Variants in FBN2 observed in about 807,000 individuals in gnomAD.
The protein encoded by FBN2 is fibrillin-2.
FBN2 carries 105 observed loss-of-function variants against 355.6 expected under a neutral mutation model. The observed-to-expected ratio is 0.30, with a 90% CI of 0.25 to 0.35. The LOEUF is 0.35. Ranked by LOEUF, FBN2 falls within the 10% of genes least tolerant of loss-of-function variation. The pLI is 1.00. For synonymous variants in FBN2, 1,350 were observed against 1,301.2 expected, an observed-to-expected ratio of 1.04 and a Z score of -0.81; for missense variants, 3,280 against 3,758.7, an observed-to-expected ratio of 0.87 and a Z score of 3.33.
chr5:128,361,739 C>T lies in FBN2; in HGVS notation c.2538G>A (p.Glu846=). Residue 846 remains glutamate, a synonymous_variant, in exon 19 of 65, where the codon GAG becomes GAA. Coordinates refer to ENST00000262464, the MANE Select transcript of FBN2 (RefSeq NM_001999.4). ...AGCTCTTACCTTCACAGGTCTCTGTCTCAGTCCTGAACACATACCCTGGTG... is the reference window on the plus strand; with the variant it reads ...AGCTCTTACCTTCACAGGTCTCTGTTTCAGTCCTGAACACATACCCTGGTG... The part of the protein sequence containing the change: ...TCPPGYVFRT[E]TETCEDINEC... 1 of 1,614,184 alleles carries T rather than the reference C, an allele frequency of 6.2e-7. No individual in the cohort carries two copies. The highest frequency in any genetic ancestry group is 8.5e-7 in the Non-Finnish European group (1 of 1,180,010).
Position 128,395,222 on chromosome 5 carries a change from T to C in FBN2, c.1131A>G (p.Gln377=). The change falls in exon 9 of 65, where the codon CAA becomes CAG. Residue 377 remains glutamine (Q), a synonymous_variant. Coordinates refer to ENST00000262464, the MANE Select transcript of FBN2 (RefSeq NM_001999.4). The part of the protein sequence containing the change: ...FSGLVNGRCA[Q]ELPGRMTKMQ... ...TTTTCGTCATTCTCCCCGGGAGCTC[T>C]TGTGCACAGCGGCCATTCACCAGGC... is the stretch of plus-strand genomic sequence containing the variant. 6.2e-7 allele frequency: 1 copy of C among 1,614,102 alleles called. No individual in the cohort carries two copies. Among genetic ancestry groups the C allele is most frequent in the Non-Finnish European group, 8.5e-7 (1 of 1,179,978 alleles).
In FBN2 at chr5:128,482,797, A is replaced by AT. The variant is rs574166314; in HGVS notation, c.629-17877dup. Among the ~76,000 whole-genome samples, 709 of 152,200 alleles carry AT rather than the reference A, an allele frequency of 4.7e-3. 3 individuals carry two copies. The highest frequency in any genetic ancestry group is 7.2e-3 in the Non-Finnish European group (490 of 68,016). ...GGTATAACTACTTATTCTAGTAAAGATTTTTTTATCATCATTATAATGTGA... is the reference window on the plus strand; with the variant it reads ...GGTATAACTACTTATTCTAGTAAAGATTTTTTTTATCATCATTATAATGTGA... On this transcript the variant is annotated intron_variant, in intron 5 of 64. Transcript: ENST00000262464.
intron 8 of FBN2, among the ~76,000 whole-genome samples, chr5:128,403,256 T>A (rs1752845585): frequency 6.6e-6 from 1 of 152,238 alleles, no homozygotes; most frequent in South Asian, 2.1e-4. Context: ...TGGTATTATA[T>A]TTTTTCACAT....
At chr5:128,512,584 A>G (rs1756160437) in intron 5 of FBN2, among the ~76,000 whole-genome samples, 1 of 149,928 alleles carries the variant, frequency 6.7e-6, no homozygotes, top group South Asian at 2.1e-4. Flanking sequence ...TCATTTATTG[A>G]GCAGTTAACT....
intron 33 of FBN2, among the ~76,000 whole-genome samples, chr5:128,329,255 G>C (rs1750630553): frequency 6.6e-6 from 1 of 152,034 alleles, no homozygotes; most frequent in Non-Finnish European, 1.5e-5. Context: ...GTGTTTTAAA[G>C]CAAATTAAAG....
chr5:128,270,415 G>A (rs1581177414), intron 62 of FBN2, among the ~76,000 whole-genome samples: 3 of 152,146 alleles, frequency 2.0e-5, no homozygotes, highest in Admixed American at 1.3e-4. Flanking sequence ...TGTAATCCCA[G>A]CTACTCAGGA....
chr5:128,305,537 T>C lies in FBN2; in HGVS notation c.5648A>G (p.Lys1883Arg), dbSNP rs993017399. 13 of 1,613,988 alleles carry C rather than the reference T, an allele frequency of 8.1e-6. No individual in the cohort carries two copies. In the Admixed American group the frequency reaches 1.0e-4, roughly 12 times the overall value. ...SYRCECAAGFKLSPNGACVDR... is the reference protein window; with the variant it reads ...SYRCECAAGFRLSPNGACVDR... ...TACACAGGCCCCATTGGGTGAAAGTTTGAAACCCGCGGCACATTCACAGCG... is the reference window on the plus strand; with the variant it reads ...TACACAGGCCCCATTGGGTGAAAGTCTGAAACCCGCGGCACATTCACAGCG... The change falls in exon 44 of 65, where the codon AAA (lysine) becomes AGA (arginine). Residue 1883 changes from lysine (K) to arginine (R), a missense_variant. By Grantham distance (26) the Lys-to-Arg change is conservative. Around this residue, in one of 6 missense-constraint regions of FBN2, gnomAD observed 2,284 missense variants for 2,749.5 expected, o/e 0.83. Coordinates refer to ENST00000262464, the MANE Select transcript of FBN2 (RefSeq NM_001999.4).
intron 4 of FBN2, among the ~76,000 whole-genome samples, chr5:128,526,099 A>G (rs1756552173): frequency 6.6e-6 from 1 of 152,194 alleles, no homozygotes; most frequent in African/African-American, 2.4e-5. Context: ...TATTCTAAAG[A>G]AAACTTTATA....
chr5:128,264,223 T>C (rs193029387), intron 62 of FBN2, among the ~76,000 whole-genome samples: 5 of 152,270 alleles, frequency 3.3e-5, no homozygotes, highest in African/African-American at 1.2e-4. Context: ...TTTGTATCCA[T>C]TCCCCCAGCA....
intron 55 of FBN2, among the ~76,000 whole-genome samples, chr5:128,286,066 T>A (rs2126816056): frequency 6.6e-6 from 1 of 152,316 alleles, no homozygotes; most frequent in East Asian, 1.9e-4. Flanking sequence ...CACATATGAC[T>A]TAGGAGTTTA....
rs1374368035 is a variant in FBN2 at position 128,366,364 on chromosome 5, T to C, written c.2302+13A>G. On this transcript the variant is annotated intron_variant, in intron 17 of 64. Coordinates refer to ENST00000262464, the MANE Select transcript of FBN2 (RefSeq NM_001999.4). ...CACGTGATTATTATAAAGTTGAGAT[T>C]AACTAGAGTTACCTCTTCCATCCAC... The C allele has an allele frequency of 6.6e-7, 1 of 1,517,952 alleles. No individual in the cohort carries two copies. Among genetic ancestry groups the C allele is most frequent in the Admixed American group, 1.7e-5 (1 of 59,470 alleles). The allele number at this position is 1,517,952 out of a possible 1,614,324, so 94.0% of individuals were successfully genotyped here.
intron 36 of FBN2, among the ~76,000 whole-genome samples, chr5:128,314,229 T>C (rs1750139167): frequency 6.6e-6 from 1 of 152,216 alleles, no homozygotes; most frequent in South Asian, 2.1e-4. Flanking sequence ...TTTATTTTTG[T>C]CTCAGATTTT....
Position 128,408,986 on chromosome 5 carries a change from G to A in FBN2, c.953-187C>T, listed in dbSNP as rs920438200. 4.1e-4 allele frequency among the ~76,000 whole-genome samples: 63 copies of A among 152,196 alleles called. 1 individual carries two copies. Among genetic ancestry groups the A allele is most frequent in the African/African-American group, 1.5e-3 (62 of 41,542 alleles). ...CATATCTATGGGAACTGAGATGAAA[G>A]TAAACTCCCATGGCAGTTAAAACAA... On this transcript the variant is annotated intron_variant, in intron 7 of 64. Coordinates refer to ENST00000262464, the MANE Select transcript of FBN2 (RefSeq NM_001999.4).
Position 128,446,330 on chromosome 5 carries a change from A to G in FBN2, c.952+151T>C. On this transcript the variant is annotated intron_variant, in intron 7 of 64. Coordinates refer to ENST00000262464, the MANE Select transcript of FBN2 (RefSeq NM_001999.4). ...AAACCCACTAAGGCTACAATACACA[A>G]ACACAGAACTACTCTAGGCTTAAAC... 3.8e-6 allele frequency: 3 copies of G among 780,918 alleles called. No individual in the cohort carries two copies. The South Asian group carries it at 4.5e-5, about 12-fold the overall frequency. The allele number at this position is 780,918 out of a possible 1,614,324, so 48.4% of individuals were successfully genotyped here.
At chr5:128,488,978 T>C (rs1056057425) in intron 5 of FBN2, among the ~76,000 whole-genome samples, 2 of 152,218 alleles carry the variant, frequency 1.3e-5, no homozygotes, top group African/African-American at 4.8e-5. Flanking sequence ...CGTGTGTCTT[T>C]ATAGCAGCAT....
At chr5:128,271,953 C>T (rs1765276997) in intron 62 of FBN2, 46 bp downstream of exon 62, 5 of 1,610,048 alleles carry the variant, frequency 3.1e-6, no homozygotes, top group Non-Finnish European at 4.3e-6. Context: ...TTCAGAGACA[C>T]TTTCAGGTGA....
chr5:128,478,029 A>T (rs1012186229), intron 5 of FBN2, among the ~76,000 whole-genome samples: 4 of 152,202 alleles, frequency 2.6e-5, no homozygotes, highest in African/African-American at 9.7e-5. Flanking sequence ...CTCGATTCAG[A>T]CTTTTCACTT....
At chr5:128,357,688 T>C (rs547507571) in intron 19 of FBN2, among the ~76,000 whole-genome samples, 68 of 152,308 alleles carry the variant, frequency 4.5e-4, no homozygotes, top group Middle Eastern at 6.8e-3. Context: ...GATTTTTTTT[T>C]CCCACATAAT....
chr5:128,309,254 T>C lies in FBN2; in HGVS notation c.5346A>G (p.Pro1782=), dbSNP rs2126842864. The C allele has an allele frequency of 1.2e-6, 2 of 1,614,100 alleles. No individual in the cohort carries two copies. Among genetic ancestry groups the C allele is most frequent in the Non-Finnish European group, 1.7e-6 (2 of 1,179,946 alleles). Residue 1782 remains proline, a synonymous_variant, in exon 41 of 65, where the codon CCA becomes CCG. Transcript: ENST00000262464. ...WNKPCEPCPT[P]GTADFKTICG... is the part of the protein sequence containing the mutation. Reference sequence around the variant, plus strand: ...CACGAGCCGTGTGCTTACCTGTTCCTGGAGTTGGGCATGGTTCACAAGGTT... The same window carrying C: ...CACGAGCCGTGTGCTTACCTGTTCCCGGAGTTGGGCATGGTTCACAAGGTT...
Sources: allele counts gnomAD v4.1 joint callset (sites outside exome capture counted in the v4.1 genomes callset), GRCh38; gene constraint gnomAD v4.1.1; regional missense constraint gnomAD v4.1.1; transcripts MANE v1.5; gene names NCBI Gene and HGNC (gene_info 2026-07-23, HGNC 2026-07-21).